Variants in MMP16 observed in about 807,000 individuals in gnomAD.
MMP16 encodes the protein matrix metallopeptidase 16, also known as matrix metalloproteinase-16.
A neutral mutation model predicts 67.8 loss-of-function variants in MMP16; 12 were observed. The ratio of observed to expected loss-of-function variants is 0.18; its 90% CI spans 0.11 to 0.29. The LOEUF (loss-of-function observed/expected upper bound fraction) is 0.29. Ranked by LOEUF, MMP16 falls within the 10% of genes least tolerant of loss-of-function variation. The pLI, the probability that MMP16 is intolerant of heterozygous loss-of-function variation, is 1.00. For missense variants in MMP16, 475 were observed against 765.7 expected (o/e 0.62, Z 4.48); for synonymous variants, 249 against 255.9 (o/e 0.97, Z 0.26).
intron 2 of MMP16, among the ~76,000 whole-genome samples, chr8:88,190,372 T>G (rs1317030942): frequency 1.3e-5 from 2 of 152,186 alleles, no homozygotes; most frequent in Non-Finnish European, 2.9e-5. Context: ...TTCAGGCTTT[T>G]GTATGTGACT....
chr8:88,312,673 T>C (rs982082257), intron 1 of MMP16, among the ~76,000 whole-genome samples: 13 of 152,098 alleles, frequency 8.5e-5, no homozygotes, highest in Admixed American at 6.6e-5. Context: ...TTGCTAAAGA[T>C]TAGTGTCCAT....
chr8:88,312,987 C>CA (rs1563592811), intron 1 of MMP16, among the ~76,000 whole-genome samples: 1 of 118,854 alleles, frequency 8.4e-6, no homozygotes, highest in Admixed American at 9.6e-5. Flanking sequence ...AAAACAAAAA[C>CA]AAAAAAAGGT....
chr8:88,032,513 T>C lies in MMP16; in HGVS notation c.*8948A>G, dbSNP rs1450326803. On this transcript the variant is annotated 3_prime_UTR_variant, in exon 10 of 10. Coordinates refer to ENST00000286614, the MANE Select transcript of MMP16 (RefSeq NM_005941.5). Reference sequence around the variant, plus strand: ...AACAATGTGCTATGAGGCCTTGATTTACTAATAAAAGACAACTTGTGAATA... The same window carrying C: ...AACAATGTGCTATGAGGCCTTGATTCACTAATAAAAGACAACTTGTGAATA... The C allele has an allele frequency of 1.3e-5, 2 of 152,174 alleles. No individual in the cohort carries two copies. The highest frequency in any genetic ancestry group is 2.4e-5 in the African/African-American group (1 of 41,452). 9.4% of individuals were successfully genotyped at this position (152,174 alleles called of 1,614,324 possible).
chr8:88,197,185 G>A lies in MMP16; in HGVS notation c.254C>T (p.Thr85Ile). The change falls in exon 2 of 10, where the codon ACA (threonine) becomes ATA (isoleucine). Residue 85 changes from threonine to isoleucine, a missense_variant. This residue lies in a region of MMP16 where 170 missense variants were observed against 239.6 expected (regional missense o/e 0.71). Transcript: ENST00000286614. ...AATTGTGTTTCTGTCCACTTTTCCTGTCATGTTAATGCCATAGAACTGCTG... is the reference window on the plus strand; with the variant it reads ...AATTGTGTTTCTGTCCACTTTTCCTATCATGTTAATGCCATAGAACTGCTG... The part of the protein sequence containing the change: ...AMQQFYGINM[T>I]GKVDRNTIDW... 1 of 1,611,410 alleles carries A rather than the reference G, an allele frequency of 6.2e-7. No homozygotes were observed. Among genetic ancestry groups the A allele is most frequent in the Non-Finnish European group, 8.5e-7 (1 of 1,179,156 alleles).
chr8:88,303,215 C>T (rs963091684), intron 1 of MMP16, among the ~76,000 whole-genome samples: 5 of 152,134 alleles, frequency 3.3e-5, no homozygotes, highest in South Asian at 2.1e-4. Flanking sequence ...AGCCAGGCAG[C>T]GTCGTTTTAA....
rs774646098 is a variant in MMP16 at position 88,056,117 on chromosome 8, T to C, written c.1373+11A>G. On this transcript the variant is annotated intron_variant, in intron 8 of 9. Transcript: ENST00000286614. ...AATTAACTGTTTTTCTCATGAGAAG[T>C]GTATACTGACCTGTCTCCCTTGAAG... 1 of 1,510,332 alleles carries C rather than the reference T, an allele frequency of 6.6e-7. No individual in the cohort carries two copies. The highest frequency in any genetic ancestry group is 2.5e-5 in the East Asian group (1 of 39,902). The allele number at this position is 1,510,332 out of a possible 1,614,324, so 93.6% of individuals were successfully genotyped here.
At chr8:88,192,596 T>C (rs1194279228) in intron 2 of MMP16, among the ~76,000 whole-genome samples, 1 of 152,116 alleles carries the variant, frequency 6.6e-6, no homozygotes, top group Non-Finnish European at 1.5e-5. Context: ...AGAACATCAA[T>C]TGATTAAGAA....
intron 1 of MMP16, among the ~76,000 whole-genome samples, chr8:88,257,981 A>G (rs1273123695): frequency 6.6e-6 from 1 of 152,118 alleles, no homozygotes; most frequent in Non-Finnish European, 1.5e-5. Flanking sequence ...TAGTCATAAC[A>G]CAGGAAGGGC....
intron 1 of MMP16, among the ~76,000 whole-genome samples, chr8:88,281,030 G>A (rs1474362216): frequency 6.6e-6 from 1 of 152,040 alleles, no homozygotes; most frequent in Non-Finnish European, 1.5e-5. Context: ...AATTAATAAC[G>A]ATGAAATTTC....
At chr8:88,184,007 G>C (rs1253398870) in intron 3 of MMP16, among the ~76,000 whole-genome samples, 1 of 151,962 alleles carries the variant, frequency 6.6e-6, no homozygotes, top group East Asian at 1.9e-4. Context: ...CAGCCTCCCA[G>C]AGAGCTGGGA....
chr8:88,285,520 T>G (rs1477846535), intron 1 of MMP16, among the ~76,000 whole-genome samples: 3 of 152,194 alleles, frequency 2.0e-5, no homozygotes, highest in Admixed American at 6.5e-5. Flanking sequence ...TGAAAAGTTC[T>G]TCACTTTCAA....
chr8:88,229,810 A>G (rs920367760), intron 1 of MMP16, among the ~76,000 whole-genome samples: 3 of 152,132 alleles, frequency 2.0e-5, no homozygotes, highest in African/African-American at 7.2e-5. Flanking sequence ...GGATGTCTAC[A>G]TCCAAGTCTA....
At chr8:88,074,315 T>A (rs1808608945) in intron 7 of MMP16, among the ~76,000 whole-genome samples, 1 of 152,144 alleles carries the variant, frequency 6.6e-6, no homozygotes, top group Non-Finnish European at 1.5e-5. Flanking sequence ...AACAAACCTT[T>A]AGTCAGTGCA....
chr8:88,081,072 G>A (rs1808741815), intron 6 of MMP16, among the ~76,000 whole-genome samples: 1 of 152,018 alleles, frequency 6.6e-6, no homozygotes, highest in Non-Finnish European at 1.5e-5. Context: ...CAGTCTCATA[G>A]GTGAGTGGAG....
intron 6 of MMP16, among the ~76,000 whole-genome samples, chr8:88,104,737 C>A (rs141171102): frequency 6.6e-6 from 1 of 151,348 alleles, no homozygotes; most frequent in Non-Finnish European, 1.5e-5. Context: ...AAAGGTCCTT[C>A]GGGAGGTATT....
At chr8:88,069,634 C>A in intron 7 of MMP16, 1 of 412,882 alleles carries the variant, frequency 2.4e-6, no homozygotes, top group Non-Finnish European at 4.7e-6. Context: ...TACTTTAATT[C>A]ATTGTTCCTT....
intron 9 of MMP16, among the ~76,000 whole-genome samples, chr8:88,045,839 T>C (rs1808193279): frequency 6.6e-6 from 1 of 152,236 alleles, no homozygotes; most frequent in Non-Finnish European, 1.5e-5. Context: ...AGACTTTTCA[T>C]GTTATTGAGG....
At chr8:88,246,915 T>C (rs966485670) in intron 1 of MMP16, among the ~76,000 whole-genome samples, 1 of 152,188 alleles carries the variant, frequency 6.6e-6, no homozygotes, top group African/African-American at 2.4e-5. Flanking sequence ...TTGAATTTCA[T>C]TCATCGAATT....
intron 2 of MMP16, among the ~76,000 whole-genome samples, chr8:88,191,218 TAG>T (rs1586197571): frequency 6.6e-6 from 1 of 152,180 alleles, no homozygotes; most frequent in Non-Finnish European, 1.5e-5. Flanking sequence ...TGCCATACTG[TAG>T]AGTTACCTCG....
Sources: allele counts gnomAD v4.1 joint callset (sites outside exome capture counted in the v4.1 genomes callset), GRCh38; gene constraint gnomAD v4.1.1; regional missense constraint gnomAD v4.1.1; transcripts MANE v1.5; gene names NCBI Gene and HGNC (gene_info 2026-07-23, HGNC 2026-07-21).